Variants in ADAMTSL1 observed in about 807,000 individuals in gnomAD.
ADAMTSL1 encodes the protein ADAMTS-like protein 1.
ADAMTSL1 carries 126 observed loss-of-function variants against 201.8 expected under a neutral mutation model. The ratio of observed to expected loss-of-function variants is 0.62; its 90% CI spans 0.54 to 0.72. The LOEUF (loss-of-function observed/expected upper bound fraction) is 0.72, where lower values mean the gene tolerates loss of function less well. ADAMTSL1 is among the 30% of genes least tolerant of loss of function. The pLI, the probability that ADAMTSL1 is intolerant of heterozygous loss-of-function variation, is 0.00. For synonymous variants in ADAMTSL1, 1,121 were observed against 903.4 expected (o/e 1.24, Z -4.32); for missense variants, 2,679 against 2,277.8 (o/e 1.18, Z -3.59).
At chr9:18,275,194 C>T (rs1256186042) in intron 2 of ADAMTSL1, among the ~76,000 whole-genome samples, 1 of 152,076 alleles carries the variant, frequency 6.6e-6, no homozygotes, top group South Asian at 2.1e-4. Flanking sequence ...TTAGTCATTA[C>T]CTCTAATAAT....
chr9:18,722,240 T>C (rs1182918215), intron 15 of ADAMTSL1, among the ~76,000 whole-genome samples: 7 of 152,174 alleles, frequency 4.6e-5, no homozygotes, highest in Non-Finnish European at 8.8e-5. Context: ...ACAGCCTTGA[T>C]TGAATTAATC....
At chr9:18,221,326 G>T (rs1366003392) in intron 2 of ADAMTSL1, among the ~76,000 whole-genome samples, 1 of 152,108 alleles carries the variant, frequency 6.6e-6, no homozygotes, top group Non-Finnish European at 1.5e-5. Context: ...TTAACATGAA[G>T]ATTTTATAAT....
Position 18,038,633 on chromosome 9 carries a change from G to A in ADAMTSL1, c.88-125229G>A, listed in dbSNP as rs1313436935. 2.0e-5 allele frequency among the ~76,000 whole-genome samples: 3 copies of A among 152,178 alleles called. No homozygotes were observed. In the East Asian group the frequency reaches 5.8e-4, roughly 29 times the overall value. On this transcript the variant is annotated intron_variant, in intron 1 of 29. Transcript: ENST00000680146. ...ACAGAGAAATCAGCTAGATGAACTA[G>A]CATTACCTAAGGGAGGGTGTGCTGG...
intron 2 of ADAMTSL1, among the ~76,000 whole-genome samples, chr9:18,208,463 G>C (rs1423155131): frequency 3.3e-5 from 5 of 152,154 alleles, no homozygotes; most frequent in Non-Finnish European, 7.3e-5. Context: ...CAACCAATGA[G>C]TGTCCAAGCA....
At chr9:18,746,277 T>C (rs952295526) in intron 15 of ADAMTSL1, among the ~76,000 whole-genome samples, 7 of 152,202 alleles carry the variant, frequency 4.6e-5, no homozygotes, top group Non-Finnish European at 8.8e-5. Context: ...GAAAGGGAGA[T>C]GCATCCTGAA....
rs142410079 is a variant in ADAMTSL1 at position 17,971,941 on chromosome 9, G to T, written c.87+65019G>T. ...TTCATATCTTTCTTTTTATTTTAAA[G>T]TTAAAATTTTTATTTACTTTTTCTG... On this transcript the variant is annotated intron_variant, in intron 1 of 29. Coordinates refer to the ADAMTSL1 transcript ENST00000680146. Among the ~76,000 whole-genome samples the T allele has an allele frequency of 3.9e-3, 590 of 151,534 alleles. 6 individuals are homozygous for T. The highest frequency in any genetic ancestry group is 0.014 in the African/African-American group (559 of 41,308).
intron 2 of ADAMTSL1, among the ~76,000 whole-genome samples, chr9:18,176,493 C>A (rs1828163699): frequency 6.6e-6 from 1 of 152,060 alleles, no homozygotes; most frequent in Non-Finnish European, 1.5e-5. Context: ...GTATCACGTG[C>A]TGCCTTAAGC....
Position 18,350,134 on chromosome 9 carries a change from C to T in ADAMTSL1, c.208-154695C>T, listed in dbSNP as rs187282818. ...AATGTGGCAAATGGCCCAGCACACA[C>T]TCCTCTCTCCTGGTTTGTTTTGATA... On this transcript the variant is annotated intron_variant, in intron 2 of 29. Coordinates refer to the ADAMTSL1 transcript ENST00000680146. Among the ~76,000 whole-genome samples the T allele has an allele frequency of 2.6e-5, 4 of 152,152 alleles. No homozygotes were observed. In the East Asian group the frequency reaches 5.8e-4, roughly 22 times the overall value.
At chr9:18,444,722 G>T (rs995590644) in intron 2 of ADAMTSL1, among the ~76,000 whole-genome samples, 1 of 152,092 alleles carries the variant, frequency 6.6e-6, no homozygotes, top group Non-Finnish European at 1.5e-5. Flanking sequence ...ACGAGTTAAG[G>T]CCAAAGGGAT....
At chr9:17,917,394 T>C (rs1826138499) in intron 1 of ADAMTSL1, among the ~76,000 whole-genome samples, 2 of 152,028 alleles carry the variant, frequency 1.3e-5, no homozygotes, top group African/African-American at 2.4e-5. Context: ...GGAAATTGCT[T>C]TTATTCTTCA....
intron 1 of ADAMTSL1, among the ~76,000 whole-genome samples, chr9:18,498,779 T>A (rs532087074): frequency 1.3e-5 from 2 of 152,322 alleles, no homozygotes; most frequent in Admixed American, 6.5e-5. Context: ...TTGTTCAACC[T>A]CACAGCCTCA....
At chr9:18,903,807 T>G (rs1380023824) in intron 26 of ADAMTSL1, among the ~76,000 whole-genome samples, 1 of 151,542 alleles carries the variant, frequency 6.6e-6, no homozygotes, top group African/African-American at 2.4e-5. Flanking sequence ...TACAAAAAGT[T>G]GGCCCTCCAC....
intron 2 of ADAMTSL1, among the ~76,000 whole-genome samples, chr9:18,416,213 G>A (rs181142428): frequency 1.2e-4 from 18 of 152,084 alleles, no homozygotes; most frequent in East Asian, 7.7e-4. Flanking sequence ...CAAAACTAGC[G>A]TAGTATGGAA....
At chr9:18,876,338 G>A (rs891541162) in intron 23 of ADAMTSL1, among the ~76,000 whole-genome samples, 1 of 151,606 alleles carries the variant, frequency 6.6e-6, no homozygotes, top group Non-Finnish European at 1.5e-5. Context: ...GTGCGTGATT[G>A]TTTTATAGGT....
intron 2 of ADAMTSL1, among the ~76,000 whole-genome samples, chr9:18,506,934 C>T (rs925803132): frequency 5.3e-5 from 8 of 152,132 alleles, no homozygotes; most frequent in Non-Finnish European, 1.0e-4. Flanking sequence ...TTCTTAAAAA[C>T]CAGTGCTTAG....
chr9:18,527,404 G>T (rs1485862239), intron 2 of ADAMTSL1, among the ~76,000 whole-genome samples: 1 of 152,140 alleles, frequency 6.6e-6, no homozygotes, highest in Non-Finnish European at 1.5e-5. Context: ...GTCTGGCTAT[G>T]TCACCAGAAG....
chr9:18,014,141 C>G (rs1820162209), intron 1 of ADAMTSL1, among the ~76,000 whole-genome samples: 3 of 151,954 alleles, frequency 2.0e-5, no homozygotes, highest in Non-Finnish European at 4.4e-5. Flanking sequence ...GTGATCTTGC[C>G]TCTCCTCAAC....
intron 2 of ADAMTSL1, among the ~76,000 whole-genome samples, chr9:18,371,790 C>T (rs1447793760): frequency 6.6e-6 from 1 of 152,108 alleles, no homozygotes; most frequent in Admixed American, 6.6e-5. Context: ...TCTCTCTCTG[C>T]TGCCAGATGT....
intron 2 of ADAMTSL1, among the ~76,000 whole-genome samples, chr9:18,188,972 A>T (rs960098350): frequency 1.3e-5 from 2 of 152,204 alleles, no homozygotes; most frequent in Non-Finnish European, 2.9e-5. Context: ...CTTAGGTCAC[A>T]CTGTTAGCAC....
Sources: gnomAD v4.1 joint callset for allele counts (sites outside exome capture counted in the v4.1 genomes callset) on GRCh38, gnomAD v4.1.1 for gene constraint, MANE v1.5 for transcripts, NCBI Gene and HGNC (gene_info 2026-07-23, HGNC 2026-07-21) for gene names.